MOSMO: variants seen among roughly 807,000 people sequenced by gnomAD.
The protein encoded by MOSMO is modulator of smoothened.
MOSMO carries 5 observed loss-of-function variants against 18.4 expected under a neutral mutation model. The ratio of observed to expected loss-of-function variants is 0.27; its 90% CI spans 0.14 to 0.57. The LOEUF (loss-of-function observed/expected upper bound fraction) is 0.57. MOSMO is among the 20% of genes least tolerant of loss of function. MOSMO has a pLI of 0.92. For synonymous variants in MOSMO, 82 were observed against 82.3 expected, an observed-to-expected ratio of 1.00 and a Z score of 0.02; for missense variants, 138 against 211.8, an observed-to-expected ratio of 0.65 and a Z score of 2.16.
intron 1 of MOSMO, among the ~76,000 whole-genome samples, chr16:22,032,734 G>T (rs1900021508): frequency 6.6e-6 from 1 of 152,018 alleles, no homozygotes; most frequent in Admixed American, 6.6e-5. Flanking sequence ...TTTTTATAGA[G>T]ATGGGGTCTT....
downstream of MOSMO, chr16:22,087,363 G>A (rs1901204709): frequency 6.6e-6 from 1 of 152,040 alleles, no homozygotes; most frequent in African/African-American, 2.4e-5. Flanking sequence ...TAGTAAATAT[G>A]GCCAGTGTAT....
chr16:22,047,688 T>C (rs937320023), intron 1 of MOSMO, among the ~76,000 whole-genome samples: 1 of 152,158 alleles, frequency 6.6e-6, no homozygotes, highest in Non-Finnish European at 1.5e-5. Flanking sequence ...AAAAATGAAA[T>C]TGCTAAGCTG....
chr16:22,030,475 G>A (rs1299825093), intron 1 of MOSMO, among the ~76,000 whole-genome samples: 2 of 152,166 alleles, frequency 1.3e-5, no homozygotes, highest in Non-Finnish European at 2.9e-5. Flanking sequence ...GGCAAATTAT[G>A]CATCAGTACT....
intron 1 of MOSMO, among the ~76,000 whole-genome samples, chr16:22,052,344 C>A (rs1040656276): frequency 6.6e-6 from 1 of 152,138 alleles, no homozygotes; most frequent in Non-Finnish European, 1.5e-5. Context: ...AATTGCCAGG[C>A]ACAGACAGTA....
chr16:22,088,733 AG>A (rs1175906763), downstream of MOSMO, among the ~76,000 whole-genome samples: 1 of 152,210 alleles, frequency 6.6e-6, no homozygotes, highest in African/African-American at 2.4e-5. Flanking sequence ...AAGGATCAAA[AG>A]GCTGAACACC....
At chr16:22,072,872 A>C (rs1190499914) in intron 1 of MOSMO, among the ~76,000 whole-genome samples, 15 of 152,030 alleles carry the variant, frequency 9.9e-5, no homozygotes, top group Admixed American at 9.8e-4. Context: ...GTCGATTAGC[A>C]TTAGCTTTTT....
chr16:22,041,542 A>C (rs1340917819), intron 1 of MOSMO, among the ~76,000 whole-genome samples: 2 of 152,242 alleles, frequency 1.3e-5, no homozygotes, highest in African/African-American at 4.8e-5. Flanking sequence ...CCGTACTTTG[A>C]CTAACACTAG....
chr16:22,063,905 A>G lies in MOSMO; in HGVS notation c.107-11582A>G, dbSNP rs183317917. ...GAATACTGTTCATTTTCTTTACTCA[A>G]TGAATGGTGTTCAGGGAAGTTAGCA... On this transcript the variant is annotated intron_variant, in intron 1 of 2. Coordinates refer to ENST00000542527, the MANE Select transcript of MOSMO (RefSeq NM_001164579.2). Among the ~76,000 whole-genome samples the G allele has an allele frequency of 2.5e-4, 38 of 152,300 alleles. No homozygotes were observed. The East Asian group carries it at 3.9e-3, about 15-fold the overall frequency.
chr16:22,068,048 G>A (rs1900781172), intron 1 of MOSMO, among the ~76,000 whole-genome samples: 1 of 152,156 alleles, frequency 6.6e-6, no homozygotes, highest in Non-Finnish European at 1.5e-5. Context: ...GTGTCCACAG[G>A]CTGAAATAAA....
chr16:22,089,651 A>T (rs548507335), downstream of MOSMO, among the ~76,000 whole-genome samples: 42 of 127,502 alleles, frequency 3.3e-4, no homozygotes, highest in Non-Finnish European at 5.9e-4. Flanking sequence ...CTAGTTGATC[A>T]TCTGTCTACA....
At chr16:22,039,780 C>T (rs1195598251) in intron 1 of MOSMO, among the ~76,000 whole-genome samples, 3 of 152,306 alleles carry the variant, frequency 2.0e-5, no homozygotes, top group African/African-American at 4.8e-5. Flanking sequence ...CCTTTTCAGA[C>T]AGGCCTTCCC....
At position 22,019,341 on chromosome 16, in the gene MOSMO, ACTCT is replaced by A. The variant is rs1567499723; in HGVS notation, c.106+10938_106+10941del. Reference sequence around the variant, plus strand: ...TCATCTGTAATTCTTTGGTCCTCTCACTCTCTCCAGTCCCTGTTTTATCAGTATC... The same window carrying A: ...TCATCTGTAATTCTTTGGTCCTCTCACTCCAGTCCCTGTTTTATCAGTATC... On this transcript the variant is annotated intron_variant, in intron 1 of 2. Transcript: ENST00000542527. Among the ~76,000 whole-genome samples the A allele has an allele frequency of 2.6e-5, 4 of 151,668 alleles. No individual in the cohort carries two copies. In the South Asian group the frequency reaches 6.3e-4, roughly 24 times the overall value.
intron 1 of MOSMO, among the ~76,000 whole-genome samples, chr16:22,069,274 G>T (rs535875537): frequency 3.1e-4 from 47 of 152,272 alleles, no homozygotes; most frequent in East Asian, 5.8e-4. Flanking sequence ...AGGGCCTGGG[G>T]TGTGTATAAT....
intron 2 of MOSMO, among the ~76,000 whole-genome samples, chr16:22,078,881 A>G (rs1340495731): frequency 6.6e-6 from 1 of 152,238 alleles, no homozygotes; most frequent in Non-Finnish European, 1.5e-5. Context: ...TAAAAGCTAT[A>G]AAACATAATG....
At chr16:22,037,189 G>A (rs1007488416) in intron 1 of MOSMO, among the ~76,000 whole-genome samples, 1 of 152,132 alleles carries the variant, frequency 6.6e-6, no homozygotes, top group African/African-American at 2.4e-5. Context: ...AGGATCACTT[G>A]AACCCAGGTG....
intron 1 of MOSMO, among the ~76,000 whole-genome samples, chr16:22,028,284 T>C (rs1163199692): frequency 2.0e-5 from 3 of 152,058 alleles, no homozygotes; most frequent in African/African-American, 7.2e-5. Context: ...GTAGAAGTTA[T>C]AATATTTGTT....
At chr16:22,011,224 A>G (rs1004497790) in intron 1 of MOSMO, among the ~76,000 whole-genome samples, 1 of 152,212 alleles carries the variant, frequency 6.6e-6, no homozygotes, top group Non-Finnish European at 1.5e-5. Context: ...TAGTAGTGCT[A>G]TGTCATTTTG....
Position 22,075,623 on chromosome 16 carries a change from C to T in MOSMO, c.243C>T (p.Val81=). 1 of 1,537,406 alleles carries T rather than the reference C, an allele frequency of 6.5e-7. No individual in the cohort carries two copies. Among genetic ancestry groups the T allele is most frequent in the South Asian group, 1.2e-5 (1 of 84,064 alleles). The part of the protein sequence containing the change: ...FIIMGIISLT[V]TCGLLVASHW... ...TCATGGGAATCATTTCATTGACTGT[C>T]ACATGTGGTTTGCTGGTGGCTTCCC... Residue 81 remains valine (V), a synonymous_variant, in exon 2 of 3, where the codon GTC becomes GTT. Coordinates refer to ENST00000542527, the MANE Select transcript of MOSMO (RefSeq NM_001164579.2).
At chr16:22,022,619 C>G (rs1265717557) in intron 1 of MOSMO, among the ~76,000 whole-genome samples, 1 of 152,060 alleles carries the variant, frequency 6.6e-6, no homozygotes, top group Non-Finnish European at 1.5e-5. Flanking sequence ...GTATGTAAAC[C>G]ATAACCCTAA....
Sources: gnomAD v4.1 joint callset for allele counts (sites outside exome capture counted in the v4.1 genomes callset) on GRCh38, gnomAD v4.1.1 for gene constraint, MANE v1.5 for transcripts, NCBI Gene and HGNC (gene_info 2026-07-23, HGNC 2026-07-21) for gene names.